Variants in PIK3R3 observed in about 807,000 individuals in gnomAD.
PIK3R3 encodes the protein phosphoinositide-3-kinase regulatory subunit 3.
Under a neutral mutation model 62.9 loss-of-function variants are expected in PIK3R3, and 64 were observed. That is an observed-to-expected ratio of 1.02 (90% confidence interval 0.83 to 1.25). The LOEUF (loss-of-function observed/expected upper bound fraction) is 1.25, where lower values mean the gene tolerates loss of function less well. Among genes scored for constraint, PIK3R3 ranks in the 50% most tolerant of loss-of-function variants. The pLI is 0.00. For synonymous variants in PIK3R3, 165 were observed against 189.0 expected (o/e 0.87, Z 1.04); for missense variants, 614 against 561.6 (o/e 1.09, Z -0.94).
intron 1 of PIK3R3, among the ~76,000 whole-genome samples, chr1:46,128,030 CAAT>C (rs1284007874): frequency 9.2e-5 from 14 of 152,102 alleles, no homozygotes; most frequent in African/African-American, 2.7e-4. Context: ...GGATGCACAA[CAAT>C]GTTAGTTATT....
At chr1:46,148,353 G>C in the PIK3R3 span, among the ~76,000 whole-genome samples, 3 of 152,226 alleles carry the variant, frequency 2.0e-5, no homozygotes, top group Non-Finnish European at 2.9e-5. Flanking sequence ...AACCAGACTC[G>C]TTCCCAGTTC....
chr1:46,132,058 T>C lies in PIK3R3; in HGVS notation c.-106A>G, dbSNP rs551504952. On this transcript the variant is annotated 5_prime_UTR_variant, in exon 1 of 10. Transcript: ENST00000262741. ...TATCTGCAAAAGTTCCACACGGAAA[T>C]GTACTTCGGGTTTTCCAACGGCCAG... 2.0e-6 allele frequency: 3 copies of C among 1,489,012 alleles called. No individual in the cohort carries two copies. The highest frequency in any genetic ancestry group is 5.1e-5 in the East Asian group (2 of 39,268). 92.2% of individuals were successfully genotyped at this position (1,489,012 alleles called of 1,614,324 possible). A position where few individuals can be genotyped will look rare whatever the true frequency, so the allele number is the denominator to read the frequency against.
At position 46,044,046 on chromosome 1, in the gene PIK3R3, TAAAAC is replaced by T. The variant is rs1474558432; in HGVS notation, c.1188-180_1188-176del. On this transcript the variant is annotated intron_variant, in intron 9 of 9. Coordinates refer to ENST00000262741, the MANE Select transcript of PIK3R3 (RefSeq NM_003629.4). This position sits in a 1 kb window ranked among gnomAD's most constrained non-coding sequence, Gnocchi z 4.2. The stretch of plus-strand genomic sequence containing the variant: ...CAGACTTGGCCACAGATACGGGTGT[TAAAAC>T]AACCACAAATGTAAGGGTTTATTTA... 2.6e-5 allele frequency among the ~76,000 whole-genome samples: 4 copies of T among 152,064 alleles called. No individual in the cohort carries two copies. The highest frequency in any genetic ancestry group is 5.9e-5 in the Non-Finnish European group (4 of 68,014).
At chr1:46,113,912 G>A (rs1304811646) in intron 1 of PIK3R3, among the ~76,000 whole-genome samples, 2 of 152,152 alleles carry the variant, frequency 1.3e-5, no homozygotes, top group African/African-American at 4.8e-5. Context: ...AAGGTGGTAG[G>A]TAGTACAGTA....
At chr1:46,112,327 G>A (rs1653812636) in intron 1 of PIK3R3, among the ~76,000 whole-genome samples, 1 of 152,102 alleles carries the variant, frequency 6.6e-6, no homozygotes, top group Non-Finnish European at 1.5e-5. Flanking sequence ...CCACAGTACA[G>A]GTAAATGACA....
Position 46,077,560 on chromosome 1 carries a change from C to G in PIK3R3, c.269G>C (p.Arg90Pro). Reference sequence around the variant, plus strand: ...TCCCTGCATTTTTGTTGAGGCATCTCGGACCAAGAAGGTCCCATCTGGCAT... The same window carrying G: ...TCCCTGCATTTTTGTTGAGGCATCTGGGACCAAGAAGGTCCCATCTGGCAT... The part of the protein sequence containing the change: ...RDMPDGTFLV[R>P]DASTKMQGDY... Residue 90 changes from arginine to proline, a missense_variant, in exon 3 of 10, where the codon CGA (arginine) becomes CCA (proline). Coordinates refer to ENST00000262741, the MANE Select transcript of PIK3R3 (RefSeq NM_003629.4). 4.3e-6 allele frequency: 7 copies of G among 1,612,826 alleles called. No individual in the cohort carries two copies. The highest frequency in any genetic ancestry group is 5.9e-6 in the Non-Finnish European group (7 of 1,178,898).
chr1:46,116,960 A>C (rs1204901911), intron 1 of PIK3R3, among the ~76,000 whole-genome samples: 1 of 152,190 alleles, frequency 6.6e-6, no homozygotes, highest in Non-Finnish European at 1.5e-5. Flanking sequence ...CTTAAACATT[A>C]TGCCAAAAAG....
intron 1 of PIK3R3, among the ~76,000 whole-genome samples, chr1:46,088,485 A>AT (rs1466055296): frequency 1.3e-5 from 2 of 152,122 alleles, no homozygotes; most frequent in Non-Finnish European, 2.9e-5. Flanking sequence ...AACAAGATCT[A>AT]TATCAAAGTA....
intron 6 of PIK3R3, among the ~76,000 whole-genome samples, chr1:46,059,646 T>C (rs908751523): frequency 2.0e-5 from 3 of 152,016 alleles, no homozygotes; most frequent in African/African-American, 7.2e-5. Context: ...TTTTTAAAAA[T>C]TAGCCAATGC....
At chr1:46,158,931 C>T in the PIK3R3 span, among the ~76,000 whole-genome samples, 1 of 151,890 alleles carries the variant, frequency 6.6e-6, no homozygotes, top group African/African-American at 2.4e-5. Flanking sequence ...ACTAAAAATA[C>T]AAAAAATTAG....
At chr1:46,076,550 G>A (rs1049886746) in intron 3 of PIK3R3, among the ~76,000 whole-genome samples, 2 of 152,192 alleles carry the variant, frequency 1.3e-5, no homozygotes, top group Admixed American at 6.5e-5. Flanking sequence ...CACAATTCAA[G>A]TGCAAAGGTA....
intron 6 of PIK3R3, 82 bp from the exon 7 acceptor site, chr1:46,056,053 T>C (rs1364949090): frequency 1.7e-5 from 4 of 229,918 alleles, no homozygotes; most frequent in East Asian, 7.3e-5. Flanking sequence ...CCTAATATCC[T>C]TTTTTTTTTT....
intron 7 of PIK3R3, among the ~76,000 whole-genome samples, chr1:46,051,051 G>A (rs1175216545): frequency 6.6e-6 from 1 of 152,188 alleles, no homozygotes; most frequent in Non-Finnish European, 1.5e-5. Context: ...AATGAAAGAG[G>A]TGATAGGGAT....
In PIK3R3 at chr1:46,040,713, T is replaced by C; in HGVS notation, c.*2960A>G. 1 of 203,420 alleles carries C rather than the reference T, an allele frequency of 4.9e-6. No homozygotes were observed. Among genetic ancestry groups the C allele is most frequent in the East Asian group, 7.5e-5 (1 of 13,362 alleles). The allele number at this position is 203,420 out of a possible 1,614,324, so 12.6% of individuals were successfully genotyped here. A position where few individuals can be genotyped will look rare whatever the true frequency, so the allele number is the denominator to read the frequency against. On this transcript the variant is annotated 3_prime_UTR_variant, in exon 10 of 10. Coordinates refer to ENST00000262741, the MANE Select transcript of PIK3R3 (RefSeq NM_003629.4). The stretch of plus-strand genomic sequence containing the variant: ...GAGAACACATGGGGCTGATTACTTG[T>C]AGCAAAAAAGAGACCCGTGGAAGAC...
intron 3 of PIK3R3, among the ~76,000 whole-genome samples, chr1:46,069,908 C>T (rs891547699): frequency 6.6e-6 from 1 of 152,144 alleles, no homozygotes; most frequent in African/African-American, 2.4e-5. Context: ...AATTATCAAC[C>T]AAGTCCAATG....
intron 3 of PIK3R3, 40 bp downstream of exon 3, chr1:46,077,475 C>T (rs1299393186): frequency 1.0e-6 from 1 of 998,080 alleles, no homozygotes; most frequent in East Asian, 2.4e-5. Context: ...ACTAAAATAA[C>T]ATCAGTAGAG....
At chr1:46,136,575 TATGAC>T (rs1208839290), upstream of PIK3R3, among the ~76,000 whole-genome samples, 1 of 152,160 alleles carries the variant, frequency 6.6e-6, no homozygotes, top group African/African-American at 2.4e-5. Flanking sequence ...ACTGAGAAAT[TATGAC>T]ATTATATGAA....
At chr1:46,089,750 A>G (rs1340465755) in intron 1 of PIK3R3, among the ~76,000 whole-genome samples, 2 of 151,950 alleles carry the variant, frequency 1.3e-5, no homozygotes, top group African/African-American at 4.8e-5. Flanking sequence ...CAATTATAGT[A>G]TACTAATGGC....
At chr1:46,057,781 C>T (rs1648069568) in intron 6 of PIK3R3, among the ~76,000 whole-genome samples, 1 of 152,160 alleles carries the variant, frequency 6.6e-6, no homozygotes, top group African/African-American at 2.4e-5. Context: ...CTCTTAAAAG[C>T]ATTCAGTTTT....
Sources: gnomAD v4.1 joint callset for allele counts (sites outside exome capture counted in the v4.1 genomes callset) on GRCh38, gnomAD v4.1.1 for gene constraint, Gnocchi (gnomAD v3.1) non-coding constraint, MANE v1.5 for transcripts, NCBI Gene and HGNC (gene_info 2026-07-23, HGNC 2026-07-21) for gene names.